Variants in EI24 observed in about 807,000 individuals in gnomAD.
EI24 encodes the protein etoposide-induced protein 2.4 homolog.
EI24 carries 21 observed loss-of-function variants against 48.6 expected under a neutral mutation model. The observed-to-expected ratio is 0.43, with a 90% confidence interval of 0.31 to 0.62. The LOEUF (loss-of-function observed/expected upper bound fraction) is 0.62, where lower values mean the gene tolerates loss of function less well. EI24 is among the 20% of genes least tolerant of loss of function. The probability of loss-of-function intolerance (pLI) is 0.10; values close to 1 mark genes in which losing one functional copy is unlikely to be tolerated. For missense variants in EI24, 280 were observed against 410.5 expected, an observed-to-expected ratio of 0.68 and a Z score of 2.75; for synonymous variants, 114 against 145.5, an observed-to-expected ratio of 0.78 and a Z score of 1.56.
In EI24 at chr11:125,569,478, G is replaced by A. The variant is rs1425406290; in HGVS notation, c.-166G>A. 4.2e-5 allele frequency: 16 copies of A among 383,214 alleles called. No homozygotes were observed. The East Asian group carries it at 4.9e-4, about 12-fold the overall frequency. The allele number at this position is 383,214 out of a possible 1,614,324, so 23.7% of individuals were successfully genotyped here. ...GCCCCGTGCGGCCCGGGCATGCCCA[G>A]TGCGGGCGCAGCGGCCCCGGCCCTG... On this transcript the variant is annotated 5_prime_UTR_variant, in exon 1 of 11. It adds an upstream start codon to the 5' untranslated region. Transcript: ENST00000278903.
intron 3 of EI24, among the ~76,000 whole-genome samples, 184 bp downstream of exon 3, chr11:125,575,592 G>C (rs1179533668): frequency 6.6e-6 from 1 of 152,124 alleles, no homozygotes; most frequent in Admixed American, 6.5e-5. Flanking sequence ...AAATGTCATG[G>C]TGTTAAATCA....
Position 125,575,369 on chromosome 11 carries a change from C to G in EI24, c.149C>G (p.Ala50Gly). The part of the protein sequence containing the change: ...QRRRRASSVL[A>G]QRRAQSIERK... ...CGAAGAAGGGCAAGTAGTGTCTTGGCACAGAGAAGAGCCCAGAGTATAGAG... is the reference window on the plus strand; with the variant it reads ...CGAAGAAGGGCAAGTAGTGTCTTGGGACAGAGAAGAGCCCAGAGTATAGAG... Residue 50 changes from alanine to glycine, a missense_variant, in exon 3 of 11, where the codon GCA becomes GGA. Around this residue, in one of 3 missense-constraint regions of EI24, gnomAD observed 204 missense variants for 294.1 expected, o/e 0.69. Coordinates refer to ENST00000278903, the MANE Select transcript of EI24 (RefSeq NM_004879.5). 6.3e-7 allele frequency: 1 copy of G among 1,592,812 alleles called. No homozygotes were observed. The highest frequency in any genetic ancestry group is 8.6e-7 in the Non-Finnish European group (1 of 1,169,576).
At chr11:125,577,610 T>G in intron 5 of EI24, 40 bp downstream of exon 5, 1 of 1,525,720 alleles carries the variant, frequency 6.6e-7, no homozygotes, top group Non-Finnish European at 9.0e-7. Context: ...GGGGACAGAG[T>G]GGGAGATGAT....
intron 2 of EI24, chr11:125,573,464 C>T: frequency 3.4e-6 from 1 of 293,670 alleles, no homozygotes. Flanking sequence ...ACCTTTATGG[C>T]CAGGGGAGGT....
At chr11:125,580,055 AG>A in intron 7 of EI24, 37 bp from the exon 8 acceptor site, 1 of 1,513,632 alleles carries the variant, frequency 6.6e-7, no homozygotes, top group Non-Finnish European at 9.2e-7. Context: ...TAGGTTTCCG[AG>A]GCTTTGGGAT....
At chr11:125,583,436 T>C (rs1939096292) in intron 10 of EI24, 85 bp from the exon 11 acceptor site, 6 of 1,139,946 alleles carry the variant, frequency 5.3e-6, no homozygotes, top group Non-Finnish European at 7.4e-6. Context: ...CCCTGTGTAG[T>C]TTTAAATTTA....
In EI24 at chr11:125,581,332, C is replaced by G. The variant is rs757884643; in HGVS notation, c.785+10C>G. The stretch of plus-strand genomic sequence containing the variant: ...CCTCATATATTATCAGGTAATTTGG[C>G]TACAGGGATTTGAAGGAGACTAGTA... On this transcript the variant is annotated intron_variant, in intron 9 of 10. Transcript: ENST00000278903. 12 of 1,567,684 alleles carry G rather than the reference C, an allele frequency of 7.7e-6. No individual in the cohort carries two copies. In the East Asian group the frequency reaches 2.7e-4, roughly 35 times the overall value.
intron 5 of EI24, 74 bp downstream of exon 5, chr11:125,577,644 G>C (rs1418257258): frequency 2.4e-6 from 3 of 1,270,458 alleles, no homozygotes; most frequent in African/African-American, 1.5e-5. Context: ...TCAGTTTACT[G>C]AACATTTCCT....
At chr11:125,581,459 T>C (rs1938989705) in intron 9 of EI24, 137 bp downstream of exon 9, 1 of 475,560 alleles carries the variant, frequency 2.1e-6, no homozygotes, top group Non-Finnish European at 3.8e-6. Context: ...TATTTCTACA[T>C]TTGTTAGCAT....
At chr11:125,572,064 A>C (rs1005356561) in intron 1 of EI24, among the ~76,000 whole-genome samples, 4 of 152,278 alleles carry the variant, frequency 2.6e-5, no homozygotes, top group South Asian at 2.1e-4. Flanking sequence ...CAAACATAAA[A>C]ATTGCTTAAG....
chr11:125,583,873 T>G lies in EI24; in HGVS notation c.*190T>G. The G allele has an allele frequency of 1.5e-6, 1 of 685,058 alleles. No individual in the cohort carries two copies. Among genetic ancestry groups the G allele is most frequent in the East Asian group, 2.8e-5 (1 of 35,138 alleles). 42.4% of individuals were successfully genotyped at this position (685,058 alleles called of 1,614,324 possible). A position where few individuals can be genotyped will look rare whatever the true frequency, so the allele number is the denominator to read the frequency against. ...AAGGCAGAATGTTCCCTGACACCAGTGTGTGGATTTTTAACATCACCGTGA... is the reference window on the plus strand; with the variant it reads ...AAGGCAGAATGTTCCCTGACACCAGGGTGTGGATTTTTAACATCACCGTGA... On this transcript the variant is annotated 3_prime_UTR_variant, in exon 11 of 11. Transcript: ENST00000278903.
chr11:125,572,154 T>C (rs954603143), intron 1 of EI24, among the ~76,000 whole-genome samples: 1 of 152,192 alleles, frequency 6.6e-6, no homozygotes, highest in African/African-American at 2.4e-5. Flanking sequence ...GTTAGGGGCA[T>C]TGAGGCTCAG....
At chr11:125,581,166 T>C in intron 8 of EI24, 45 bp from the exon 9 acceptor site, 1 of 1,368,550 alleles carries the variant, frequency 7.3e-7, no homozygotes. Flanking sequence ...GTCACTTGAC[T>C]AAAAGGAAAT....
chr11:125,576,099 G>A (rs1938738285), intron 3 of EI24, among the ~76,000 whole-genome samples, 156 bp from the exon 4 acceptor site: 1 of 152,048 alleles, frequency 6.6e-6, no homozygotes, highest in African/African-American at 2.4e-5. Context: ...CATTTTTTTA[G>A]TCTTTTCTCA....
intron 1 of EI24, among the ~76,000 whole-genome samples, chr11:125,571,826 C>T (rs751735810): frequency 2.0e-4 from 31 of 152,026 alleles, no homozygotes; most frequent in Non-Finnish European, 3.8e-4. Flanking sequence ...TGCAGTGAGC[C>T]GAGCCCAGTG....
chr11:125,575,216 G>A (rs1938688622), intron 2 of EI24, 47 bp from the exon 3 acceptor site: 1 of 1,480,022 alleles, frequency 6.8e-7, no homozygotes, highest in South Asian at 1.2e-5. Flanking sequence ...GACAAAGCAA[G>A]ACCCTGTCTC....
intron 1 of EI24, among the ~76,000 whole-genome samples, chr11:125,572,024 A>AT (rs1938554032): frequency 6.6e-6 from 1 of 152,110 alleles, no homozygotes; most frequent in Non-Finnish European, 1.5e-5. Flanking sequence ...TTGCTCTTGT[A>AT]TTTTCATTCA....
In EI24 at chr11:125,582,434, A is replaced by C; in HGVS notation, c.860+14A>C. On this transcript the variant is annotated intron_variant, in intron 10 of 10. Transcript: ENST00000278903. ...TGGCAAAGCATAGTAAGTATTAGCC[A>C]GTGATGAAATTTTTGCTGTGTAAAG... 6.3e-7 allele frequency: 1 copy of C among 1,577,800 alleles called. No homozygotes were observed. The highest frequency in any genetic ancestry group is 8.6e-7 in the Non-Finnish European group (1 of 1,162,976).
In EI24 at chr11:125,578,203, T is replaced by C. The variant is rs1276153959; in HGVS notation, c.387T>C (p.Leu129=). The C allele has an allele frequency of 6.2e-7, 1 of 1,614,012 alleles. No individual in the cohort carries two copies. Among genetic ancestry groups the C allele is most frequent in the Middle Eastern group, 1.7e-4 (1 of 6,060 alleles). The change falls in exon 6 of 11, where the codon CTT becomes CTC. Residue 129 remains leucine (L), a synonymous_variant. Transcript: ENST00000278903. ...EFFLTSIFSA[L]WVLPLFVLSK... ...TCCTCACGTCAATTTTCAGTGCTCT[T>C]TGGGTGCTCCCCTTGTTTGTGCTTA...
Sources: allele counts gnomAD v4.1 joint callset (sites outside exome capture counted in the v4.1 genomes callset), GRCh38; gene constraint gnomAD v4.1.1; regional missense constraint gnomAD v4.1.1; transcripts MANE v1.5; gene names NCBI Gene and HGNC (gene_info 2026-07-23, HGNC 2026-07-21).